PAK4: variants seen among roughly 807,000 people sequenced by gnomAD.
PAK4 encodes the protein serine/threonine-protein kinase PAK 4.
A neutral mutation model predicts 53.5 loss-of-function variants in PAK4; 49 were observed. The observed-to-expected ratio is 0.92, with a 90% CI of 0.73 to 1.16. PAK4 has a LOEUF of 1.16. PAK4 is among the 50% of genes most tolerant of loss of function. The pLI is 0.00. For synonymous variants in PAK4, 376 were observed against 375.6 expected (o/e 1.00, Z -0.01); for missense variants, 824 against 850.7 (o/e 0.97, Z 0.39).
chr19:39,128,155 C>G (rs2073625906), intron 1 of PAK4, among the ~76,000 whole-genome samples: 1 of 152,222 alleles, frequency 6.6e-6, no homozygotes. Flanking sequence ...GTTTCCACTT[C>G]TGCAAGATGG....
chr19:39,157,049 A>G (rs1432837629), intron 1 of PAK4, among the ~76,000 whole-genome samples: 1 of 151,714 alleles, frequency 6.6e-6, no homozygotes, highest in Non-Finnish European at 1.5e-5. Context: ...GCATCTGAGC[A>G]TAGGTCCCTG....
At position 39,173,304 on chromosome 19, in the gene PAK4, G is replaced by A. The variant is rs377431095; in HGVS notation, c.591G>A (p.Ala197=). ...AGCCTGCTGGTCTGGCCAGTGGGGC[G>A]AAACTGGCAGCTGGCCGGCCCTTTA... Residue 197 remains alanine, a synonymous_variant, in exon 3 of 9, where the codon GCG becomes GCA. Transcript: ENST00000358301. This position sits in a 1 kb window ranked among gnomAD's most constrained non-coding sequence, Gnocchi z 6.9. 3.6e-5 allele frequency: 58 copies of A among 1,600,540 alleles called. No individual in the cohort carries two copies. The highest frequency in any genetic ancestry group is 2.7e-4 in the East Asian group (12 of 44,514).
At chr19:39,165,161 C>T (rs1438343326) in intron 1 of PAK4, among the ~76,000 whole-genome samples, 2 of 133,162 alleles carry the variant, frequency 1.5e-5, no homozygotes, top group Non-Finnish European at 3.3e-5. Context: ...AGAGGGGAGG[C>T]CAGGACCAGC....
In PAK4 at chr19:39,131,192, G is replaced by T. The variant is rs185548609; in HGVS notation, c.-23+5273G>T. ...GGCTTCAGTGTCACTGATTACTGGG[G>T]CTGCCCTCCCGTGGTTTGGAACTGG... On this transcript the variant is annotated intron_variant, in intron 1 of 8. Coordinates refer to ENST00000358301, the Ensembl canonical transcript of PAK4. 2.0e-3 allele frequency among the ~76,000 whole-genome samples: 309 copies of T among 152,280 alleles called. 1 individual carries two copies. Among genetic ancestry groups the T allele is most frequent in the Non-Finnish European group, 4.0e-3 (274 of 68,016 alleles).
chr19:39,153,053 T>C (rs1240192695), intron 1 of PAK4, among the ~76,000 whole-genome samples: 8 of 152,152 alleles, frequency 5.3e-5, no homozygotes, highest in Non-Finnish European at 2.9e-5. Context: ...TATAGATATA[T>C]CAATTTTTTT....
At chr19:39,132,129 T>C (rs746575494) in intron 1 of PAK4, among the ~76,000 whole-genome samples, 48 of 152,334 alleles carry the variant, frequency 3.2e-4, no homozygotes, top group Admixed American at 6.5e-4. Flanking sequence ...TGTGAGTCTA[T>C]GAGCATGGTC....
chr19:39,134,375 G>A (rs1600306430), intron 1 of PAK4, among the ~76,000 whole-genome samples: 2 of 152,206 alleles, frequency 1.3e-5, no homozygotes, highest in South Asian at 4.1e-4. Flanking sequence ...ACAGTCGTGA[G>A]TGCTCTCCTG....
intron 1 of PAK4, among the ~76,000 whole-genome samples, chr19:39,153,977 T>C (rs192983611): frequency 1.4e-4 from 22 of 152,298 alleles, no homozygotes; most frequent in Non-Finnish European, 2.6e-4. Context: ...TTGCCTGGCT[T>C]TGAACCTTAA....
At chr19:39,150,901 C>T (rs1000894732) in intron 1 of PAK4, among the ~76,000 whole-genome samples, 6 of 152,208 alleles carry the variant, frequency 3.9e-5, no homozygotes, top group Admixed American at 1.3e-4. Flanking sequence ...ACATTTTTTG[C>T]GTGTGGTGCT....
intron 1 of PAK4, among the ~76,000 whole-genome samples, chr19:39,164,292 A>AT (rs2144786529): frequency 6.6e-6 from 1 of 151,974 alleles, no homozygotes; most frequent in South Asian, 2.1e-4. Context: ...AAAAAAAAAA[A>AT]AAAAAAGAAT....
In PAK4 at chr19:39,173,876, G is replaced by A; in HGVS notation, c.964G>A (p.Asp322Asn). The A allele has an allele frequency of 6.2e-7, 1 of 1,612,738 alleles. No homozygotes were observed. The highest frequency in any genetic ancestry group is 1.1e-5 in the South Asian group (1 of 91,052). ...CCCAGGCGACCCCCGCTCCTACCTG[G>A]ACAACTTCATCAAGATTGGCGAGGG... The change falls in exon 4 of 9, where the codon GAC (aspartate) becomes AAC (asparagine). Residue 322 changes from aspartate (D) to asparagine (N), a missense_variant. Asp to Asn is a conservative substitution (Grantham distance 23). Around this residue, in one of 2 missense-constraint regions of PAK4, gnomAD observed 346 missense variants for 415.0 expected, o/e 0.83. Transcript: ENST00000358301. The surrounding 1 kb of genome is among the most constrained non-coding windows in gnomAD (Gnocchi z 6.9).
At chr19:39,177,384 G>A (rs1220771172) in intron 7 of PAK4, among the ~76,000 whole-genome samples, 2 of 152,152 alleles carry the variant, frequency 1.3e-5, no homozygotes, top group East Asian at 1.9e-4. Context: ...TGATGAGGCC[G>A]CATGGGTCCT....
At chr19:39,153,268 A>AT (rs1232420885) in intron 1 of PAK4, among the ~76,000 whole-genome samples, 3 of 104,412 alleles carry the variant, frequency 2.9e-5, no homozygotes, top group South Asian at 3.7e-4. Context: ...TTTAATTTTA[A>AT]TTTTTTTTGA....
At chr19:39,155,748 G>C (rs571856467) in intron 1 of PAK4, among the ~76,000 whole-genome samples, 1 of 152,268 alleles carries the variant, frequency 6.6e-6, no homozygotes, top group Non-Finnish European at 1.5e-5. Context: ...TCCAGCCTGG[G>C]AGTCCCAGCG....
At chr19:39,143,792 G>C (rs2073952391) in intron 1 of PAK4, among the ~76,000 whole-genome samples, 1 of 151,716 alleles carries the variant, frequency 6.6e-6, no homozygotes, top group Admixed American at 6.6e-5. Flanking sequence ...TAAAATTATT[G>C]TTTTAAAATA....
Position 39,173,704 on chromosome 19 carries a change from C to T in PAK4, c.792C>T (p.Pro264=), listed in dbSNP as rs756254499. ...CCCCCAGCCCTGGAGTGCTGGGACC[C>T]CACGCCTCAGAGCCCCAGCTGGCCC... The change falls in exon 4 of 9, where the codon CCC becomes CCT. Residue 264 remains proline (P), a synonymous_variant. Coordinates refer to ENST00000358301, the Ensembl canonical transcript of PAK4. The surrounding 1 kb of genome is among the most constrained non-coding windows in gnomAD (Gnocchi z 6.9). 2 of 1,583,708 alleles carry T rather than the reference C, an allele frequency of 1.3e-6. No homozygotes were observed. The highest frequency in any genetic ancestry group is 1.7e-6 in the Non-Finnish European group (2 of 1,167,200).
At chr19:39,170,028 T>C (rs1191693180) in intron 2 of PAK4, among the ~76,000 whole-genome samples, 1 of 151,956 alleles carries the variant, frequency 6.6e-6, no homozygotes, top group Non-Finnish European at 1.5e-5. Flanking sequence ...CTCTGCTGTC[T>C]CCCGCAGACT....
intron 1 of PAK4, among the ~76,000 whole-genome samples, chr19:39,127,732 A>C (rs995672822): frequency 3.3e-5 from 5 of 152,172 alleles, no homozygotes; most frequent in Non-Finnish European, 7.4e-5. Context: ...GCGTCTCTGC[A>C]AACGGTGATG....
chr19:39,157,104 G>A (rs2074197626), intron 1 of PAK4, among the ~76,000 whole-genome samples: 1 of 152,098 alleles, frequency 6.6e-6, no homozygotes, highest in Non-Finnish European at 1.5e-5. Flanking sequence ...CTTGCACGAG[G>A]GCAGAAGTTT....
Sources: gnomAD v4.1 joint callset for allele counts (sites outside exome capture counted in the v4.1 genomes callset) on GRCh38, gnomAD v4.1.1 for gene constraint, gnomAD v4.1.1 regional missense constraint, Gnocchi (gnomAD v3.1) non-coding constraint, MANE v1.5 for transcripts, NCBI Gene and HGNC (gene_info 2026-07-23, HGNC 2026-07-21) for gene names.